MTMR10: variants seen among roughly 807,000 people sequenced by gnomAD.
MTMR10 encodes the protein myotubularin-related protein 10.
Under a neutral mutation model 88.1 loss-of-function variants are expected in MTMR10, and 56 were observed. That is an observed-to-expected ratio of 0.64 (90% CI 0.51 to 0.79). The LOEUF is 0.79. MTMR10 is among the 30% of genes least tolerant of loss of function. The probability of loss-of-function intolerance (pLI) is 0.00; values close to 1 mark genes in which losing one functional copy is unlikely to be tolerated. For missense variants in MTMR10, 883 were observed against 924.7 expected (o/e 0.95, Z 0.58); for synonymous variants, 380 against 340.9 (o/e 1.11, Z -1.26).
chr15:30,935,484 C>A (rs1380293034), downstream of MTMR10, among the ~76,000 whole-genome samples: 1 of 151,906 alleles, frequency 6.6e-6, no homozygotes, highest in African/African-American at 2.4e-5. Flanking sequence ...ATAAACAAAT[C>A]AAATAAAAAT....
chr15:30,943,296 T>C (rs2063112385), intron 14 of MTMR10: 2 of 985,286 alleles, frequency 2.0e-6, no homozygotes, highest in Non-Finnish European at 1.2e-6. Context: ...AGGTGCCCTC[T>C]GCCTTAGGAC....
chr15:30,925,225 G>T, the MTMR10 span: 1 of 1,613,872 alleles, frequency 6.2e-7, no homozygotes, highest in African/African-American at 1.3e-5. Context: ...GAGAGTCTCC[G>T]AGCTGTAAAA....
Position 30,958,847 on chromosome 15 carries a change from A to C in MTMR10, c.935+16T>G, listed in dbSNP as rs762220791. On this transcript the variant is annotated intron_variant, in intron 9 of 15. Transcript: ENST00000435680. The stretch of plus-strand genomic sequence containing the variant: ...AGTAAAACTATCTAAAGTGACAATG[A>C]CCATTTCTCAATTACCTCTGGTCAA... 8 of 1,611,636 alleles carry C rather than the reference A, an allele frequency of 5.0e-6. No individual in the cohort carries two copies. The highest frequency in any genetic ancestry group is 6.8e-6 in the Non-Finnish European group (8 of 1,177,756).
intron 5 of MTMR10, among the ~76,000 whole-genome samples, chr15:30,969,097 TTAGTGGTGTTTG>T (rs944759608): frequency 9.8e-5 from 15 of 152,288 alleles, no homozygotes; most frequent in South Asian, 4.1e-4. Flanking sequence ...TCATGTCAAA[TTAGTGGTGTTTG>T]GAGTGGGTTG....
chr15:30,984,218 A>G (rs1382472827), intron 2 of MTMR10, among the ~76,000 whole-genome samples: 2 of 152,188 alleles, frequency 1.3e-5, no homozygotes, highest in East Asian at 1.9e-4. Context: ...GAGGTTCATG[A>G]ACGGTGTTGA....
intron 2 of MTMR10, among the ~76,000 whole-genome samples, chr15:30,987,269 A>G (rs1237951358): frequency 6.6e-6 from 1 of 152,210 alleles, no homozygotes; most frequent in African/African-American, 2.4e-5. Flanking sequence ...AGGTGGTCTG[A>G]GAGGTCCTTT....
At position 30,951,972 on chromosome 15, in the gene MTMR10, T is replaced by C; in HGVS notation, c.1203A>G (p.Leu401=). The part of the protein sequence containing the change: ...MLESKHLSVV[L]QEEEGRDLSC... ...TTCAGGAGTTACTTTAGTTACCTTG[T>C]AGGACTACAGAGAGATGTTTGCTTT... is the stretch of plus-strand genomic sequence containing the variant. The change falls in exon 12 of 16, where the codon CTA becomes CTG. Residue 401 remains leucine, a synonymous_variant. Transcript: ENST00000435680. 1 of 1,613,024 alleles carries C rather than the reference T, an allele frequency of 6.2e-7. No individual in the cohort carries two copies. The highest frequency in any genetic ancestry group is 8.5e-7 in the Non-Finnish European group (1 of 1,178,976).
chr15:30,969,116 G>A (rs2063506877), intron 5 of MTMR10, among the ~76,000 whole-genome samples: 1 of 152,220 alleles, frequency 6.6e-6, no homozygotes, highest in African/African-American at 2.4e-5. Flanking sequence ...TTTGGAGTGG[G>A]TTGATGCACA....
At position 30,941,797 on chromosome 15, in the gene MTMR10, C is replaced by T; in HGVS notation, c.2007G>A (p.Gln669=). 6.2e-7 allele frequency: 1 copy of T among 1,614,012 alleles called. No homozygotes were observed. The change falls in exon 16 of 16, where the codon CAG becomes CAA. Residue 669 remains glutamine (Q), a synonymous_variant. Coordinates refer to ENST00000435680, the MANE Select transcript of MTMR10 (RefSeq NM_017762.3). ...CTGTGATGGAGCCACCCAGGCTGAT[C>T]TGGGCCTCGGGAACCCAGCGGAAGT... ...LCYFRWVPEA[Q]ISLGGSITAF...
At chr15:30,948,600 T>C (rs1595912643) in intron 12 of MTMR10, 129 bp from the exon 13 acceptor site, 6 of 849,330 alleles carry the variant, frequency 7.1e-6, no homozygotes, top group Non-Finnish European at 1.1e-5. Flanking sequence ...TATAAGGAAA[T>C]TTTACTGGAT....
At chr15:30,920,377 C>T in the MTMR10 span, among the ~76,000 whole-genome samples, 2 of 152,270 alleles carry the variant, frequency 1.3e-5, no homozygotes, top group South Asian at 4.1e-4. Flanking sequence ...GACGTGGTAG[C>T]TGGCTGTGAG....
At chr15:30,926,086 C>G in the MTMR10 span, 1 of 786,118 alleles carries the variant, frequency 1.3e-6, no homozygotes, top group Non-Finnish European at 2.1e-6. Flanking sequence ...TCTTCCTATT[C>G]TTCCCCTTAT....
chr15:30,925,949 C>T, the MTMR10 span: 2 of 1,613,762 alleles, frequency 1.2e-6, no homozygotes, highest in Non-Finnish European at 1.7e-6. Flanking sequence ...GGTAACTGAG[C>T]AGGCTTTCTC....
At chr15:30,930,535 G>T in the MTMR10 span, 21 of 1,586,114 alleles carry the variant, frequency 1.3e-5, no homozygotes, top group East Asian at 4.7e-4. Flanking sequence ...CCTGTGTTTT[G>T]TGTTCAGGAT....
Position 30,974,436 on chromosome 15 carries a change from G to T in MTMR10, c.352C>A (p.Gln118Lys). 6.4e-7 allele frequency: 1 copy of T among 1,561,254 alleles called. No individual in the cohort carries two copies. Among genetic ancestry groups the T allele is most frequent in the Non-Finnish European group, 8.7e-7 (1 of 1,151,880 alleles). ...IVTVNDHKRK[Q>K]KVLGPNQKLK... ...TTCTGGTTGGGGCCTAGGACTTTCT[G>T]CTTCCTCTTGTGGTCGTTTACTAAA... The change falls in exon 5 of 16, where the codon CAG becomes AAG. Residue 118 changes from glutamine to lysine, a missense_variant. Transcript: ENST00000435680.
chr15:30,981,934 G>C (rs1016350827), intron 2 of MTMR10, among the ~76,000 whole-genome samples: 4 of 151,996 alleles, frequency 2.6e-5, no homozygotes, highest in Non-Finnish European at 4.4e-5. Context: ...AGCTGGGCCT[G>C]GTGGTGCGCA....
At chr15:30,920,757 C>A in the MTMR10 span, 1 of 681,404 alleles carries the variant, frequency 1.5e-6, no homozygotes, top group Non-Finnish European at 2.5e-6. Flanking sequence ...ATTTGGTTAG[C>A]ACACAGTAAT....
the MTMR10 span, chr15:30,920,771 A>T: frequency 3.3e-6 from 2 of 600,970 alleles, no homozygotes; most frequent in East Asian, 6.2e-5. Context: ...CAGTAATATA[A>T]TGGAGGCATA....
intron 2 of MTMR10, among the ~76,000 whole-genome samples, chr15:30,977,864 C>T (rs1000587552): frequency 9.2e-5 from 14 of 152,202 alleles, no homozygotes; most frequent in Non-Finnish European, 1.8e-4. Flanking sequence ...AACTTTTATT[C>T]GAAGTTCTTA....
Sources: gnomAD v4.1 joint callset for allele counts (sites outside exome capture counted in the v4.1 genomes callset) on GRCh38, gnomAD v4.1.1 for gene constraint, MANE v1.5 for transcripts, NCBI Gene and HGNC (gene_info 2026-07-23, HGNC 2026-07-21) for gene names.